The following PLEKHA6 variants were observed in gnomAD, a reference collection of about 807,000 sequenced individuals.
PLEKHA6 encodes pleckstrin homology domain containing A6.
In PLEKHA6, 60 loss-of-function variants were observed where a neutral mutation model predicts 116.7. The observed-to-expected ratio is 0.51, with a 90% CI of 0.42 to 0.64. The LOEUF (loss-of-function observed/expected upper bound fraction) is 0.64. Among genes scored for constraint, PLEKHA6 ranks in the 30% least tolerant of loss-of-function variants. The pLI, the probability that PLEKHA6 is intolerant of heterozygous loss-of-function variation, is 0.00. For missense variants in PLEKHA6, 1,338 were observed against 1,422.7 expected, an observed-to-expected ratio of 0.94 and a Z score of 0.96; for synonymous variants, 489 against 556.1, an observed-to-expected ratio of 0.88 and a Z score of 1.70.
intron 17 of PLEKHA6, among the ~76,000 whole-genome samples, chr1:204,233,978 G>T (rs1454291656): frequency 2.6e-5 from 4 of 152,134 alleles, no homozygotes; most frequent in Non-Finnish European, 4.4e-5. Context: ...ATGAAATTTG[G>T]GTATCACAGG....
At position 204,257,581 on chromosome 1, in the gene PLEKHA6, G is replaced by C; in HGVS notation, c.1296C>G (p.Val432=). 1.2e-6 allele frequency: 2 copies of C among 1,607,978 alleles called. No homozygotes were observed. The highest frequency in any genetic ancestry group is 1.7e-6 in the Non-Finnish European group (2 of 1,177,168). ...VWIPSPSRQP[V]YYDELDAASS... ...AGGCGGCATCCAGCTCATCATAATA[G>C]ACTGGCTGCCGGGAGGGGCTTGGGA... Residue 432 remains valine, a synonymous_variant, in exon 9 of 23, where the codon GTC becomes GTG. Transcript: ENST00000272203. This position sits in a 1 kb window ranked among gnomAD's most constrained non-coding sequence, Gnocchi z 6.5.
intron 1 of PLEKHA6, among the ~76,000 whole-genome samples, chr1:204,290,925 G>T (rs1055692992): frequency 3.4e-5 from 5 of 147,912 alleles, no homozygotes; most frequent in Admixed American, 1.4e-4. Flanking sequence ...GGAGGGGGAG[G>T]TTGCAGTGAG....
At chr1:204,330,426 A>T (rs1672403458) in intron 1 of PLEKHA6, among the ~76,000 whole-genome samples, 1 of 152,258 alleles carries the variant, frequency 6.6e-6, no homozygotes, top group South Asian at 2.1e-4. Context: ...AAAACCACTG[A>T]AGCTTGGGCA....
In PLEKHA6 at chr1:204,259,857, C is replaced by G; in HGVS notation, c.525-117G>C. ...AGGATGGGCAGGGAGGTGGCTGGAA[C>G]CAGGATTCTATGAACTCCAGTTCTG... On this transcript the variant is annotated intron_variant, in intron 7 of 22. Coordinates refer to ENST00000272203, the MANE Select transcript of PLEKHA6 (RefSeq NM_014935.5). This position sits in a 1 kb window ranked among gnomAD's most constrained non-coding sequence, Gnocchi z 4.6. The G allele has an allele frequency of 9.0e-7, 1 of 1,106,342 alleles. No individual in the cohort carries two copies. Among genetic ancestry groups the G allele is most frequent in the Non-Finnish European group, 1.3e-6 (1 of 791,280 alleles). 68.5% of individuals were successfully genotyped at this position (1,106,342 alleles called of 1,614,324 possible).
At chr1:204,366,685 C>T (rs1000188629) in intron 3 of PLEKHA6, among the ~76,000 whole-genome samples, 22 of 152,126 alleles carry the variant, frequency 1.4e-4, no homozygotes, top group Admixed American at 1.2e-3. Context: ...CTCTTGAACC[C>T]CGGAGATGGA....
chr1:204,267,923 C>A (rs965702407), intron 4 of PLEKHA6, among the ~76,000 whole-genome samples: 2 of 152,124 alleles, frequency 1.3e-5, no homozygotes, highest in African/African-American at 2.4e-5. Context: ...TGCTGGGGAG[C>A]TAGTGGGTTG....
intron 1 of PLEKHA6, among the ~76,000 whole-genome samples, chr1:204,301,901 C>G (rs760982046): frequency 6.6e-6 from 1 of 152,130 alleles, no homozygotes; most frequent in Non-Finnish European, 1.5e-5. Flanking sequence ...GGACTCAACC[C>G]ACTCTAAGGC....
At chr1:204,226,352 C>T (rs1034159980) in intron 21 of PLEKHA6, among the ~76,000 whole-genome samples, 4 of 152,106 alleles carry the variant, frequency 2.6e-5, no homozygotes, top group East Asian at 1.9e-4. Context: ...TCGGATAGGC[C>T]GGGTGGGTTT....
intron 1 of PLEKHA6, among the ~76,000 whole-genome samples, chr1:204,275,511 A>G (rs1433901691): frequency 1.3e-5 from 2 of 152,050 alleles, no homozygotes; most frequent in Admixed American, 1.3e-4. Flanking sequence ...CCTGCCAGGA[A>G]GCAGAAGGGA....
rs79335588 is a variant in PLEKHA6, at chr1:204,313,577, T to G, written c.-94-38768A>C. 4,565 of 985,140 alleles carry G rather than the reference T, an allele frequency of 4.6e-3. 124 individuals carry two copies. The African/African-American group carries it at 0.073, about 16-fold the overall frequency. The allele number at this position is 985,140 out of a possible 1,614,324, so 61.0% of individuals were successfully genotyped here. A position where few individuals can be genotyped will look rare whatever the true frequency, so the allele number is the denominator to read the frequency against. On this transcript the variant is annotated intron_variant, in intron 1 of 22. Transcript: ENST00000272203. ...TTGAGGCTACTGCTTCTCTTCTCAGTCCCTGGGGAGAAAATTCTCTTGTTG... is the reference window on the plus strand; with the variant it reads ...TTGAGGCTACTGCTTCTCTTCTCAGGCCCTGGGGAGAAAATTCTCTTGTTG...
rs137882194 is a variant in PLEKHA6, at chr1:204,352,878, A to G, written c.-95+6816T>C. Among the ~76,000 whole-genome samples, 143 of 152,246 alleles carry G rather than the reference A, an allele frequency of 9.4e-4. 2 individuals carry two copies. In the East Asian group the frequency reaches 0.023, roughly 24 times the overall value. On this transcript the variant is annotated intron_variant, in intron 1 of 22. Coordinates refer to ENST00000272203, the MANE Select transcript of PLEKHA6 (RefSeq NM_014935.5). ...TGCATGCCTGTGGTCCCAGCTACTC[A>G]GGAGGCTGAGGTGGGAGGACTGCAT...
At chr1:204,310,524 G>A (rs1321329811) in intron 1 of PLEKHA6, among the ~76,000 whole-genome samples, 2 of 152,116 alleles carry the variant, frequency 1.3e-5, no homozygotes, top group Non-Finnish European at 2.9e-5. Flanking sequence ...TCCTACTACT[G>A]TCTTTACCAC....
At chr1:204,279,309 C>A (rs1414845811) in intron 1 of PLEKHA6, among the ~76,000 whole-genome samples, 1 of 152,204 alleles carries the variant, frequency 6.6e-6, no homozygotes, top group Non-Finnish European at 1.5e-5. Flanking sequence ...GCTTCCCCTG[C>A]TCATCAAGAG....
intron 1 of PLEKHA6, among the ~76,000 whole-genome samples, chr1:204,297,547 C>T (rs2103065316): frequency 6.6e-6 from 1 of 151,506 alleles, no homozygotes; most frequent in South Asian, 2.1e-4. Flanking sequence ...GACTCTACTC[C>T]ATACTAGCAA....
chr1:204,290,569 A>G (rs764367012), intron 1 of PLEKHA6, among the ~76,000 whole-genome samples: 1 of 152,260 alleles, frequency 6.6e-6, no homozygotes, highest in Non-Finnish European at 1.5e-5. Context: ...TGTTTCTAGA[A>G]GAAAACACAG....
At chr1:204,319,276 T>C (rs4575145) in intron 1 of PLEKHA6, among the ~76,000 whole-genome samples, 65,234 of 152,096 alleles carry the variant, frequency 0.43, 14,377 homozygotes, top group Middle Eastern at 0.5. Flanking sequence ...GTCAGTCTTA[T>C]AGACTGTTTC....
rs546800354 is a variant in PLEKHA6 at position 204,228,580 on chromosome 1, G to A, written c.2885+148C>T. On this transcript the variant is annotated intron_variant, in intron 20 of 22. Coordinates refer to ENST00000272203, the MANE Select transcript of PLEKHA6 (RefSeq NM_014935.5). This position sits in a 1 kb window ranked among gnomAD's most constrained non-coding sequence, Gnocchi z 4.0. The stretch of plus-strand genomic sequence containing the variant: ...TGACAGCAGCATCCTTGCCTCTGCC[G>A]GTAGCTGGGCCCTGTCTGCTGCCTG... The A allele has an allele frequency of 3.7e-4, 263 of 711,898 alleles. 2 individuals are homozygous for A. The South Asian group carries it at 4.1e-3, about 11-fold the overall frequency. The allele number at this position is 711,898 out of a possible 1,614,324, so 44.1% of individuals were successfully genotyped here.
At chr1:204,289,080 C>T (rs113430136) in intron 1 of PLEKHA6, among the ~76,000 whole-genome samples, 6,793 of 152,114 alleles carry the variant, frequency 0.045, 229 homozygotes, top group Middle Eastern at 0.068. Flanking sequence ...AAATGAGCAG[C>T]GCCGGGCTTG....
At chr1:204,351,427 C>T (rs1673277902) in intron 1 of PLEKHA6, among the ~76,000 whole-genome samples, 1 of 152,194 alleles carries the variant, frequency 6.6e-6, no homozygotes, top group Non-Finnish European at 1.5e-5. Flanking sequence ...GAGCAGCAGC[C>T]AGCTGTCATT....
Sources: allele counts gnomAD v4.1 joint callset (sites outside exome capture counted in the v4.1 genomes callset), GRCh38; gene constraint gnomAD v4.1.1; non-coding constraint Gnocchi (gnomAD v3.1); transcripts MANE v1.5; gene names NCBI Gene and HGNC (gene_info 2026-07-23, HGNC 2026-07-21).